The following IQSEC1 variants were observed in gnomAD, a reference collection of about 807,000 sequenced individuals.
The protein encoded by IQSEC1 is IQ motif and Sec7 domain ArfGEF 1.
IQSEC1 carries 31 observed loss-of-function variants against 91.0 expected under a neutral mutation model. That is an observed-to-expected ratio of 0.34 (90% CI 0.26 to 0.46). The LOEUF is 0.46. Ranked by LOEUF, IQSEC1 falls within the 20% of genes least tolerant of loss-of-function variation. IQSEC1 has a pLI of 1.00. For missense variants in IQSEC1, 1,388 were observed against 1,575.6 expected, an observed-to-expected ratio of 0.88 and a Z score of 2.02; for synonymous variants, 699 against 662.6, an observed-to-expected ratio of 1.05 and a Z score of -0.84.
chr3:12,925,590 G>A (rs1389091753), intron 3 of IQSEC1, among the ~76,000 whole-genome samples: 5 of 152,232 alleles, frequency 3.3e-5, no homozygotes, highest in South Asian at 2.1e-4. Flanking sequence ...TTTCTAGCTG[G>A]AGGTCACAGC....
At chr3:13,260,617 G>T (rs1695365056) in intron 1 of IQSEC1, among the ~76,000 whole-genome samples, 1 of 152,184 alleles carries the variant, frequency 6.6e-6, no homozygotes. Context: ...ACCGATGCCT[G>T]AGTCTACCAT....
At position 12,902,688 on chromosome 3, in the gene IQSEC1, A is replaced by AC. The variant is rs1694488973; in HGVS notation, c.2805+84_2805+85insG. On this transcript the variant is annotated intron_variant, in intron 13 of 13. Transcript: ENST00000613206. Reference sequence around the variant, plus strand: ...AAAAAACCAAAAAAAAAAAAAAAAAAAAAAAACCAGGACAACAGATATGAA... The same window carrying AC: ...AAAAAACCAAAAAAAAAAAAAAAAAACAAAAAACCAGGACAACAGATATGAA... The AC allele has an allele frequency of 7.1e-6, 5 of 703,876 alleles. No homozygotes were observed. In the Admixed American group the frequency reaches 9.0e-5, roughly 13 times the overall value. The allele number at this position is 703,876 out of a possible 1,614,324, so 43.6% of individuals were successfully genotyped here.
At chr3:13,230,157 T>A (rs892726388) in intron 1 of IQSEC1, among the ~76,000 whole-genome samples, 2 of 152,162 alleles carry the variant, frequency 1.3e-5, no homozygotes, top group Non-Finnish European at 2.9e-5. Flanking sequence ...GAACAGAGGG[T>A]CCCAGGAATT....
At chr3:13,067,997 G>T (rs951130843) in intron 1 of IQSEC1, among the ~76,000 whole-genome samples, 2 of 152,236 alleles carry the variant, frequency 1.3e-5, no homozygotes, top group African/African-American at 4.8e-5. Context: ...TTGGGGCCCA[G>T]CCTGCTTGCT....
intron 2 of IQSEC1, among the ~76,000 whole-genome samples, chr3:13,153,037 TC>T (rs1182884436): frequency 1.0e-5 from 1 of 95,574 alleles, no homozygotes; most frequent in Non-Finnish European, 2.1e-5. Flanking sequence ...CTCCCATGCC[TC>T]CCCGCCTTTT....
intron 1 of IQSEC1, among the ~76,000 whole-genome samples, chr3:12,973,460 G>A (rs1031636967): frequency 2.6e-5 from 4 of 152,248 alleles, no homozygotes; most frequent in Admixed American, 1.3e-4. Flanking sequence ...TGGGCACCTC[G>A]ACGGTAGGGA....
intron 1 of IQSEC1, among the ~76,000 whole-genome samples, chr3:12,982,215 C>A (rs1407922310): frequency 2.0e-5 from 3 of 152,184 alleles, no homozygotes; most frequent in Non-Finnish European, 4.4e-5. Context: ...AGCATTTTAT[C>A]AAACACGCTT....
chr3:13,186,908 T>C (rs546486350), intron 1 of IQSEC1, among the ~76,000 whole-genome samples: 1 of 152,214 alleles, frequency 6.6e-6, no homozygotes, highest in Admixed American at 6.5e-5. Flanking sequence ...CCTGAAGCCT[T>C]CGGATGAGGA....
rs1693886722 is a variant in IQSEC1, at chr3:12,898,640, C to T, written c.*2343G>A. The T allele has an allele frequency of 6.6e-6, 1 of 152,220 alleles. No homozygotes were observed. The highest frequency in any genetic ancestry group is 1.5e-5 in the Non-Finnish European group (1 of 68,044). The allele number at this position is 152,220 out of a possible 1,614,324, so 9.4% of individuals were successfully genotyped here. A position where few individuals can be genotyped will look rare whatever the true frequency, so the allele number is the denominator to read the frequency against. On this transcript the variant is annotated 3_prime_UTR_variant, in exon 14 of 14. Coordinates refer to ENST00000613206, the MANE Select transcript of IQSEC1 (RefSeq NM_001134382.3). ...CTGTGCCAAACGGCCTGAATCTTTTCTGGAACAACCTAAAGGTTACAGTTA... is the reference window on the plus strand; with the variant it reads ...CTGTGCCAAACGGCCTGAATCTTTTTTGGAACAACCTAAAGGTTACAGTTA...
chr3:12,957,377 C>G (rs1416009079), intron 1 of IQSEC1, among the ~76,000 whole-genome samples: 1 of 152,174 alleles, frequency 6.6e-6, no homozygotes, highest in Non-Finnish European at 1.5e-5. Flanking sequence ...CGGAGATGAC[C>G]AGAAGCTTCC....
At chr3:13,009,799 C>G (rs575208147) in intron 1 of IQSEC1, among the ~76,000 whole-genome samples, 53 of 152,072 alleles carry the variant, frequency 3.5e-4, no homozygotes, top group Admixed American at 7.9e-4. Flanking sequence ...CACCACAGCT[C>G]TATGTCTTAG....
intron 1 of IQSEC1, among the ~76,000 whole-genome samples, chr3:13,263,415 C>T (rs1237891736): frequency 1.6e-5 from 2 of 121,636 alleles, no homozygotes; most frequent in Non-Finnish European, 3.3e-5. Context: ...AAGTACCTGA[C>T]ACTTTTTTTT....
intron 1 of IQSEC1, among the ~76,000 whole-genome samples, chr3:13,197,632 G>A (rs970282235): frequency 6.6e-6 from 1 of 152,176 alleles, no homozygotes; most frequent in Admixed American, 6.5e-5. Context: ...ATAACTTCAC[G>A]GCCGCATGCA....
At chr3:13,023,251 G>C (rs147281022) in intron 1 of IQSEC1, among the ~76,000 whole-genome samples, 1 of 152,278 alleles carries the variant, frequency 6.6e-6, no homozygotes, top group Non-Finnish European at 1.5e-5. Context: ...CTTGGGGTCT[G>C]GGCCCAGGCT....
At position 13,193,567 on chromosome 3, in the gene IQSEC1, G is replaced by C. The variant is rs571081709; in HGVS notation, c.273-29434C>G. ...GCCGCCAGGGTGACAGGAAGAAAGG[G>C]AGGGGAACAGAAGGTGCAGTTTAGG... is the stretch of plus-strand genomic sequence containing the variant. On this transcript the variant is annotated intron_variant, in intron 1 of 15. Coordinates refer to the IQSEC1 transcript ENST00000648114. The surrounding 1 kb of genome is among the most constrained non-coding windows in gnomAD (Gnocchi z 4.2). Among the ~76,000 whole-genome samples the C allele has an allele frequency of 6.6e-6, 1 of 152,166 alleles. No individual in the cohort carries two copies. Among genetic ancestry groups the C allele is most frequent in the African/African-American group, 2.4e-5 (1 of 41,436 alleles).
Position 12,967,449 on chromosome 3 carries a change from C to T in IQSEC1, c.24-25584G>A. On this transcript the variant is annotated intron_variant, in intron 1 of 13. Coordinates refer to ENST00000613206, the MANE Select transcript of IQSEC1 (RefSeq NM_001134382.3). This position sits in a 1 kb window ranked among gnomAD's most constrained non-coding sequence, Gnocchi z 5.9. ...TCTCCGAGTTGCAGTGCAGGCACCA[C>T]ATGGCGGCCGCAGTGGGAGCGGGCC... 6.6e-7 allele frequency: 1 copy of T among 1,520,634 alleles called. No homozygotes were observed. Among genetic ancestry groups the T allele is most frequent in the Non-Finnish European group, 8.8e-7 (1 of 1,139,374 alleles). The allele number at this position is 1,520,634 out of a possible 1,614,324, so 94.2% of individuals were successfully genotyped here.
chr3:13,116,941 T>C (rs1438300774), intron 2 of IQSEC1, among the ~76,000 whole-genome samples: 2 of 152,146 alleles, frequency 1.3e-5, no homozygotes, highest in Admixed American at 1.3e-4. Flanking sequence ...ATTTCTTAGA[T>C]GGCACCACAG....
At chr3:12,917,368 C>T (rs1037067792) in intron 6 of IQSEC1, among the ~76,000 whole-genome samples, 1 of 152,180 alleles carries the variant, frequency 6.6e-6, no homozygotes, top group Non-Finnish European at 1.5e-5. Flanking sequence ...ACAGTGTCAC[C>T]GCCCTAAAAA....
chr3:13,198,335 G>A (rs1559275568), intron 1 of IQSEC1, among the ~76,000 whole-genome samples: 1 of 152,054 alleles, frequency 6.6e-6, no homozygotes, highest in African/African-American at 2.4e-5. Flanking sequence ...GAGTAATTCT[G>A]AAGCTTGGGA....
Sources: allele counts gnomAD v4.1 joint callset (sites outside exome capture counted in the v4.1 genomes callset), GRCh38; gene constraint gnomAD v4.1.1; non-coding constraint Gnocchi (gnomAD v3.1); transcripts MANE v1.5; gene names NCBI Gene and HGNC (gene_info 2026-07-23, HGNC 2026-07-21).